Variants in ATP12A observed in about 807,000 individuals in gnomAD.
The protein encoded by ATP12A is potassium-transporting ATPase alpha chain 2.
In ATP12A, 81 loss-of-function variants were observed where a neutral mutation model predicts 111.2. The ratio of observed to expected loss-of-function variants is 0.73; its 90% CI spans 0.61 to 0.88. The LOEUF is 0.88. Among genes scored for constraint, ATP12A ranks in the 40% least tolerant of loss-of-function variants. The pLI is 0.00. For synonymous variants in ATP12A, 498 were observed against 499.8 expected (o/e 1.00, Z 0.05); for missense variants, 1,196 against 1,313.1 (o/e 0.91, Z 1.38).
chr13:24,707,279 G>T lies in ATP12A; in HGVS notation c.2339G>T (p.Gly780Val). The change falls in exon 17 of 23, where the codon GGT becomes GTT. Residue 780 changes from glycine to valine, a missense_variant and splice_region_variant. By Grantham distance (109) the Gly-to-Val change is moderately radical. Around this residue, in one of 3 missense-constraint regions of ATP12A, gnomAD observed 1,126 missense variants for 1,228.5 expected, o/e 0.92. Coordinates refer to ENST00000381946, the MANE Select transcript of ATP12A (RefSeq NM_001676.7). The stretch of plus-strand genomic sequence containing the variant: ...CTGAAGGAGAAACCTCTCTGCCTAG[G>T]TCGCCTGATCTTTGACAACCTCAAG... ...FASIVTGVEE[G>V]RLIFDNLKKT... The T allele has an allele frequency of 6.2e-7, 1 of 1,614,198 alleles. No individual in the cohort carries two copies. Among genetic ancestry groups the T allele is most frequent in the Non-Finnish European group, 8.5e-7 (1 of 1,180,032 alleles).
At chr13:24,699,634 T>C (rs1410748682) in intron 12 of ATP12A, among the ~76,000 whole-genome samples, 1 of 151,950 alleles carries the variant, frequency 6.6e-6, no homozygotes, top group Non-Finnish European at 1.5e-5. Context: ...AGGAAGAGAG[T>C]GATGCCAGTG....
In ATP12A at chr13:24,711,614, A is replaced by T; in HGVS notation, c.*92A>T. 1 of 1,549,414 alleles carries T rather than the reference A, an allele frequency of 6.5e-7. No homozygotes were observed. The highest frequency in any genetic ancestry group is 8.9e-7 in the Non-Finnish European group (1 of 1,128,464). On this transcript the variant is annotated 3_prime_UTR_variant, in exon 23 of 23. Transcript: ENST00000381946. ...GCTGGGCTATTCCCCTGCAGTGCAG[A>T]CATCGTCAAAATTCAGACAAGAGGA...
In ATP12A at chr13:24,709,462, C is replaced by G; in HGVS notation, c.2592C>G (p.Leu864=). 2 of 1,614,066 alleles carry G rather than the reference C, an allele frequency of 1.2e-6. No individual in the cohort carries two copies. Among genetic ancestry groups the G allele is most frequent in the Non-Finnish European group, 1.7e-6 (2 of 1,180,022 alleles). The change falls in exon 18 of 23, where the codon CTC becomes CTG. Residue 864 remains leucine (L), a synonymous_variant. Coordinates refer to ENST00000381946, the MANE Select transcript of ATP12A (RefSeq NM_001676.7). ...AGGACAGGCTGGTGAACCAGCCGCT[C>G]GCTGTGTACTCATACCTGCACATTG... ...KNKDRLVNQP[L]AVYSYLHIGL... is the part of the protein sequence containing the mutation.
intron 19 of ATP12A, 36 bp from the exon 20 acceptor site, chr13:24,710,424 G>A: frequency 6.2e-7 from 1 of 1,609,396 alleles, no homozygotes; most frequent in Non-Finnish European, 8.5e-7. Flanking sequence ...TTTTCCTTTA[G>A]GCCTCAAGGT....
chr13:24,680,885 C>CT, intron 1 of ATP12A, 133 bp downstream of exon 1: 3 of 1,344,410 alleles, frequency 2.2e-6, no homozygotes, highest in Non-Finnish European at 2.9e-6. Flanking sequence ...GGGAGGCCGC[C>CT]TTTCCTCTGA....
In ATP12A at chr13:24,691,117, G is replaced by A. The variant is rs769143820; in HGVS notation, c.935G>A (p.Gly312Glu). 3 of 1,614,102 alleles carry A rather than the reference G, an allele frequency of 1.9e-6. No individual in the cohort carries two copies. Among genetic ancestry groups the A allele is most frequent in the African/African-American group, 2.7e-5 (2 of 74,932 alleles). Residue 312 changes from glycine to glutamate, a missense_variant, in exon 8 of 23, where the codon GGA becomes GAA. Coordinates refer to ENST00000381946, the MANE Select transcript of ATP12A (RefSeq NM_001676.7). Reference protein sequence around the residue: ...EIEHFVHIVAGVAVSIGILFF... With the variant: ...EIEHFVHIVAEVAVSIGILFF... Reference sequence around the variant, plus strand: ...GAGCACTTTGTTCACATTGTGGCAGGAGTGGCTGTCTCCATCGGCATCCTT... The same window carrying A: ...GAGCACTTTGTTCACATTGTGGCAGAAGTGGCTGTCTCCATCGGCATCCTT...
At chr13:24,698,959 T>C (rs1295313435) in intron 12 of ATP12A, 109 bp downstream of exon 12, 2 of 1,319,920 alleles carry the variant, frequency 1.5e-6, no homozygotes, top group Non-Finnish European at 2.1e-6. Flanking sequence ...ACGTGAAGCA[T>C]GTAAAGGAGA....
chr13:24,700,672 T>G, intron 12 of ATP12A, 75 bp from the exon 13 acceptor site: 1 of 1,412,764 alleles, frequency 7.1e-7, no homozygotes, highest in Non-Finnish European at 9.7e-7. Context: ...CCAAGGTGTA[T>G]GAGCATGTTC....
chr13:24,694,725 T>C, intron 11 of ATP12A, 147 bp downstream of exon 11: 1 of 1,239,514 alleles, frequency 8.1e-7, no homozygotes, highest in Non-Finnish European at 1.1e-6. Context: ...TCTGGTCCCC[T>C]AGGTCAAGCT....
intron 9 of ATP12A, 38 bp from the exon 10 acceptor site, chr13:24,692,749 C>T (rs752353022): frequency 1.2e-6 from 2 of 1,607,820 alleles, no homozygotes; most frequent in South Asian, 2.2e-5. Context: ...ACGGCCAGCC[C>T]AACCCACAGC....
intron 1 of ATP12A, 102 bp from the exon 2 acceptor site, chr13:24,681,459 AG>A (rs1376584611): frequency 4.4e-6 from 6 of 1,355,474 alleles, no homozygotes; most frequent in African/African-American, 2.9e-5. Flanking sequence ...GAAAGGGAGA[AG>A]GGGCTCCTGA....
chr13:24,695,677 G>A (rs755899569), intron 11 of ATP12A, among the ~76,000 whole-genome samples: 4 of 139,566 alleles, frequency 2.9e-5, no homozygotes, highest in Non-Finnish European at 6.0e-5. Flanking sequence ...GCACGATCTC[G>A]GCTCACTGCA....
intron 5 of ATP12A, 42 bp from the exon 6 acceptor site, chr13:24,690,296 C>T: frequency 6.2e-7 from 1 of 1,607,436 alleles, no homozygotes; most frequent in Non-Finnish European, 8.5e-7. Context: ...GGGCCGGTGT[C>T]CTTCCAGGGT....
Position 24,707,080 on chromosome 13 carries a change from G to A in ATP12A, c.2227G>A (p.Ala743Thr). ...GVNDSPALKK[A>T]DIGIAMGIAG... is the part of the protein sequence containing the mutation. ...TAATGACTCTCCGGCTCTAAAGAAG[G>A]CAGACATTGGGATTGCCATGGGGAT... Residue 743 changes from alanine to threonine, a missense_variant, in exon 16 of 23, where the codon GCA (alanine) becomes ACA (threonine). Coordinates refer to ENST00000381946, the MANE Select transcript of ATP12A (RefSeq NM_001676.7). The A allele has an allele frequency of 6.2e-7, 1 of 1,614,050 alleles. No individual in the cohort carries two copies. Among genetic ancestry groups the A allele is most frequent in the South Asian group, 1.1e-5 (1 of 91,070 alleles).
intron 1 of ATP12A, 148 bp from the exon 2 acceptor site, chr13:24,681,414 G>A: frequency 1.1e-6 from 1 of 948,354 alleles, no homozygotes; most frequent in Non-Finnish European, 1.5e-6. Flanking sequence ...AGACTCCACT[G>A]TCCGACTCCC....
chr13:24,708,562 C>A (rs377348983), intron 17 of ATP12A, among the ~76,000 whole-genome samples: 1 of 152,008 alleles, frequency 6.6e-6, no homozygotes, highest in Non-Finnish European at 1.5e-5. Context: ...AGGCCTGGTG[C>A]GGGCATCACC....
In ATP12A at chr13:24,681,648, G is replaced by C. The variant is rs746378041; in HGVS notation, c.96G>C (p.Arg32Ser). ...AGGGGGATGGCAAGGAGAAGTATAG[G>C]GGTCTGAAGAACAACTGCCTGGAAC... ...TDKGDGKEKY[R>S]GLKNNCLELK... The change falls in exon 2 of 23, where the codon AGG (arginine) becomes AGC (serine). Residue 32 changes from arginine to serine, a missense_variant. By Grantham distance (110) the Arg-to-Ser change is moderately radical (BLOSUM62 -1). Coordinates refer to ENST00000381946, the MANE Select transcript of ATP12A (RefSeq NM_001676.7). 14 of 1,614,082 alleles carry C rather than the reference G, an allele frequency of 8.7e-6. No homozygotes were observed. Among genetic ancestry groups the C allele is most frequent in the Non-Finnish European group, 1.2e-5 (14 of 1,180,042 alleles).
At chr13:24,694,248 C>G (rs1016848147) in intron 10 of ATP12A, among the ~76,000 whole-genome samples, 196 bp from the exon 11 acceptor site, 3 of 152,180 alleles carry the variant, frequency 2.0e-5, no homozygotes, top group Admixed American at 2.0e-4. Context: ...TCCAGCTTCT[C>G]CAAACATCCC....
At chr13:24,683,081 C>T (rs1270241468) in intron 2 of ATP12A, among the ~76,000 whole-genome samples, 4 of 152,080 alleles carry the variant, frequency 2.6e-5, no homozygotes, top group Middle Eastern at 6.8e-3. Flanking sequence ...CTCGGCCTCC[C>T]GAGTCACTGG....
Sources: allele counts gnomAD v4.1 joint callset (sites outside exome capture counted in the v4.1 genomes callset), GRCh38; gene constraint gnomAD v4.1.1; regional missense constraint gnomAD v4.1.1; transcripts MANE v1.5; gene names NCBI Gene and HGNC (gene_info 2026-07-23, HGNC 2026-07-21).